GABRG3: variants seen among roughly 807,000 people sequenced by gnomAD.
GABRG3 encodes gamma-aminobutyric acid type A receptor subunit gamma3.
In GABRG3, 25 loss-of-function variants were observed where a neutral mutation model predicts 48.8. The observed-to-expected ratio is 0.51, with a 90% CI of 0.37 to 0.72. The LOEUF is 0.72. Among genes scored for constraint, GABRG3 ranks in the 30% least tolerant of loss-of-function variants. The pLI is 0.00. For synonymous variants in GABRG3, 227 were observed against 217.6 expected, an observed-to-expected ratio of 1.04 and a Z score of -0.38; for missense variants, 394 against 577.9, an observed-to-expected ratio of 0.68 and a Z score of 3.26.
intron 3 of GABRG3, among the ~76,000 whole-genome samples, chr15:27,078,163 A>T (rs1896939221): frequency 6.6e-6 from 1 of 152,146 alleles, no homozygotes; most frequent in African/African-American, 2.4e-5. Flanking sequence ...GAGATTAACA[A>T]TTGAGTCAGT....
intron 5 of GABRG3, among the ~76,000 whole-genome samples, chr15:27,415,098 G>T (rs1003082866): frequency 6.6e-5 from 10 of 152,150 alleles, no homozygotes; most frequent in African/African-American, 2.4e-4. Flanking sequence ...GTATTAAAAA[G>T]TAAATTAATT....
chr15:27,214,952 T>A (rs1889197951), intron 3 of GABRG3, among the ~76,000 whole-genome samples: 1 of 152,190 alleles, frequency 6.6e-6, no homozygotes, highest in South Asian at 2.1e-4. Flanking sequence ...TTAAAATGAG[T>A]TGCATGGAAC....
chr15:27,021,398 TC>T (rs1895891910), intron 2 of GABRG3, among the ~76,000 whole-genome samples: 1 of 152,346 alleles, frequency 6.6e-6, no homozygotes, highest in South Asian at 2.1e-4. Context: ...GACCAGCTTT[TC>T]TTGTTGAGGG....
intron 3 of GABRG3, among the ~76,000 whole-genome samples, chr15:27,239,840 G>A (rs1037047560): frequency 3.3e-5 from 5 of 152,164 alleles, no homozygotes; most frequent in African/African-American, 4.8e-5. Flanking sequence ...TATAAGAATT[G>A]TCATTGCCTT....
intron 3 of GABRG3, among the ~76,000 whole-genome samples, chr15:27,166,804 G>A (rs1242159394): frequency 6.6e-6 from 1 of 152,196 alleles, no homozygotes; most frequent in East Asian, 1.9e-4. Flanking sequence ...ACTGCAGGGT[G>A]CATGTCTCAA....
chr15:26,995,872 C>T lies in GABRG3; in HGVS notation c.202+18722C>T, dbSNP rs1465075006. Among the ~76,000 whole-genome samples the T allele has an allele frequency of 3.9e-5, 6 of 152,046 alleles. No homozygotes were observed. In the South Asian group the frequency reaches 1.2e-3, roughly 32 times the overall value. On this transcript the variant is annotated intron_variant, in intron 2 of 9. Transcript: ENST00000615808. ...CAACCTTATGTCTTTTTTATATGCA[C>T]CATTTAAATAACATATTTATTTATC...
At chr15:27,205,861 G>T (rs138730718) in intron 3 of GABRG3, among the ~76,000 whole-genome samples, 3 of 151,954 alleles carry the variant, frequency 2.0e-5, no homozygotes, top group Admixed American at 2.0e-4. Flanking sequence ...GTACATAGAG[G>T]TGTTCATAAC....
chr15:27,417,780 G>A (rs1398534215), intron 5 of GABRG3, among the ~76,000 whole-genome samples: 2 of 152,196 alleles, frequency 1.3e-5, no homozygotes, highest in Non-Finnish European at 2.9e-5. Flanking sequence ...GGTTCCCTTT[G>A]TATCAGATCT....
chr15:27,523,474 A>G (rs1412093214), intron 7 of GABRG3, among the ~76,000 whole-genome samples: 2 of 151,836 alleles, frequency 1.3e-5, no homozygotes, highest in Non-Finnish European at 1.5e-5. Flanking sequence ...ATAAAATTAT[A>G]CCAGAAATGT....
At position 27,065,323 on chromosome 15, in the gene GABRG3, C is replaced by G. The variant is rs949649112; in HGVS notation, c.270+38502C>G. ...TTCTGTGCTGGGGATTCAGCAAAAC[C>G]TGCTGCTAGACAGTCATCTTTATGT... On this transcript the variant is annotated intron_variant, in intron 3 of 9. Coordinates refer to ENST00000615808, the MANE Select transcript of GABRG3 (RefSeq NM_033223.5). Among the ~76,000 whole-genome samples the G allele has an allele frequency of 7.2e-4, 109 of 152,314 alleles. 1 individual carries two copies. The highest frequency in any genetic ancestry group is 2.1e-3 in the African/African-American group (89 of 41,578).
rs574534592 is a variant in GABRG3 at position 27,027,151 on chromosome 15, T to A, written c.270+330T>A. On this transcript the variant is annotated intron_variant, in intron 3 of 9. Transcript: ENST00000615808. ...TTGAGAGTAAATAAACTGCCTCTGC[T>A]TTTTAGTATGGGATCAAATATGTGC... The A allele has an allele frequency of 1.1e-4, 24 of 215,948 alleles. No individual in the cohort carries two copies. The East Asian group carries it at 1.6e-3, about 14-fold the overall frequency. 13.4% of individuals were successfully genotyped at this position (215,948 alleles called of 1,614,324 possible). A position where few individuals can be genotyped will look rare whatever the true frequency, so the allele number is the denominator to read the frequency against.
intron 5 of GABRG3, among the ~76,000 whole-genome samples, chr15:27,374,138 CTTT>C (rs201839822): frequency 0.072 from 6,573 of 91,122 alleles, 136 homozygotes; most frequent in Non-Finnish European, 0.099. Flanking sequence ...TTCTTTTCTT[CTTT>C]TTTTTTTTTT....
At chr15:27,117,457 G>A (rs1381584447) in intron 3 of GABRG3, among the ~76,000 whole-genome samples, 6 of 152,092 alleles carry the variant, frequency 3.9e-5, no homozygotes, top group Non-Finnish European at 7.4e-5. Flanking sequence ...CAAGACACAC[G>A]CATTGGTCCT....
intron 3 of GABRG3, among the ~76,000 whole-genome samples, chr15:27,037,150 A>G (rs1896192999): frequency 6.6e-6 from 1 of 152,166 alleles, no homozygotes; most frequent in Non-Finnish European, 1.5e-5. Context: ...CCCAGAGAGC[A>G]CCAGCCCTGC....
intron 5 of GABRG3, among the ~76,000 whole-genome samples, chr15:27,439,817 T>G (rs930004428): frequency 6.6e-6 from 1 of 152,234 alleles, no homozygotes; most frequent in Non-Finnish European, 1.5e-5. Flanking sequence ...ATCACTGGGT[T>G]ATTAGTCCAG....
At position 27,455,012 on chromosome 15, in the gene GABRG3, C is replaced by T. The variant is rs373624320; in HGVS notation, c.575-25638C>T. Among the ~76,000 whole-genome samples the T allele has an allele frequency of 1.6e-3, 245 of 152,352 alleles. 2 individuals carry two copies. Among genetic ancestry groups the T allele is most frequent in the African/African-American group, 5.6e-3 (232 of 41,576 alleles). Reference sequence around the variant, plus strand: ...GTTTGACTTCAATAAACATAGGCATCATTCGCATTTACTGTGGCATCTTAA... The same window carrying T: ...GTTTGACTTCAATAAACATAGGCATTATTCGCATTTACTGTGGCATCTTAA... On this transcript the variant is annotated intron_variant, in intron 5 of 9. Transcript: ENST00000615808.
intron 3 of GABRG3, among the ~76,000 whole-genome samples, chr15:27,150,002 A>G (rs1262018333): frequency 6.6e-6 from 1 of 152,192 alleles, no homozygotes; most frequent in African/African-American, 2.4e-5. Context: ...TTTCAGATTT[A>G]CTGTGTGTAA....
At chr15:27,021,151 G>A (rs1051844992) in intron 2 of GABRG3, among the ~76,000 whole-genome samples, 1 of 151,948 alleles carries the variant, frequency 6.6e-6, no homozygotes, top group Non-Finnish European at 1.5e-5. Flanking sequence ...AAATTAACAC[G>A]TGTCCTAAAA....
At chr15:27,082,081 A>G (rs1221887647) in intron 3 of GABRG3, among the ~76,000 whole-genome samples, 1 of 152,196 alleles carries the variant, frequency 6.6e-6, no homozygotes, top group Non-Finnish European at 1.5e-5. Context: ...TGTCATCATG[A>G]GAAGCTCTGT....
Sources: gnomAD v4.1 joint callset for allele counts (sites outside exome capture counted in the v4.1 genomes callset) on GRCh38, gnomAD v4.1.1 for gene constraint, MANE v1.5 for transcripts, NCBI Gene and HGNC (gene_info 2026-07-23, HGNC 2026-07-21) for gene names.